ZNF823: variants seen among roughly 807,000 people sequenced by gnomAD.
ZNF823 encodes ZFP 36 for a zinc finger protein.
In ZNF823, 5 loss-of-function variants were observed where a neutral mutation model predicts 11.4. The ratio of observed to expected loss-of-function variants is 0.44; its 90% confidence interval spans 0.23 to 0.92. The LOEUF (loss-of-function observed/expected upper bound fraction) is 0.92. Ranked by LOEUF, ZNF823 falls within the 40% of genes least tolerant of loss-of-function variation. The pLI is 0.24. For synonymous variants in ZNF823, 234 were observed against 250.5 expected (o/e 0.93, Z 0.62); for missense variants, 582 against 738.5 (o/e 0.79, Z 2.46).
intron 1 of ZNF823, among the ~76,000 whole-genome samples, chr19:11,738,306 G>T (rs1260105934): frequency 6.6e-6 from 1 of 152,124 alleles, no homozygotes; most frequent in Non-Finnish European, 1.5e-5. Context: ...AGCAGAATGC[G>T]GTTTCTTCAC....
Position 11,721,469 on chromosome 19 carries a change from G to A in ZNF823, c.*232C>T. 1 of 486,394 alleles carries A rather than the reference G, an allele frequency of 2.1e-6. No individual in the cohort carries two copies. The allele number at this position is 486,394 out of a possible 1,614,324, so 30.1% of individuals were successfully genotyped here. A position where few individuals can be genotyped will look rare whatever the true frequency, so the allele number is the denominator to read the frequency against. On this transcript the variant is annotated 3_prime_UTR_variant, in exon 4 of 4. Transcript: ENST00000341191. Reference sequence around the variant, plus strand: ...AGATGATTTACACAGTATACTGGAAGATATGCATAGGTTACATGCAAATAT... The same window carrying A: ...AGATGATTTACACAGTATACTGGAAAATATGCATAGGTTACATGCAAATAT...
At chr19:11,735,285 A>AC (rs969846389) in intron 1 of ZNF823, among the ~76,000 whole-genome samples, 4 of 76,332 alleles carry the variant, frequency 5.2e-5, no homozygotes, top group Admixed American at 1.5e-4. Flanking sequence ...AAAAAACAAA[A>AC]AAAAAAAAAA....
At chr19:11,738,737 C>T in intron 1 of ZNF823, 80 bp downstream of exon 1, 1 of 1,499,094 alleles carries the variant, frequency 6.7e-7, no homozygotes, top group Non-Finnish European at 8.9e-7. Flanking sequence ...AGGGCGAGGC[C>T]CGGGTCCCCT....
At chr19:11,723,532 G>A (rs1416954393) in intron 3 of ZNF823, among the ~76,000 whole-genome samples, 190 bp from the exon 4 acceptor site, 1 of 152,122 alleles carries the variant, frequency 6.6e-6, no homozygotes, top group Non-Finnish European at 1.5e-5. Flanking sequence ...TATTCACATG[G>A]AGATTCTTTC....
In ZNF823 at chr19:11,724,140, A is replaced by C. The variant is rs554023189; in HGVS notation, c.191+54T>G. The stretch of plus-strand genomic sequence containing the variant: ...CTCTGCTCGTTTTTAAAATTTTCTT[A>C]TCATTCTATGAACCACTGCAGGGAC... On this transcript the variant is annotated intron_variant, in intron 3 of 3. Coordinates refer to ENST00000341191, the MANE Select transcript of ZNF823 (RefSeq NM_001080493.4). 129 of 1,420,716 alleles carry C rather than the reference A, an allele frequency of 9.1e-5. No individual in the cohort carries two copies. The African/African-American group carries it at 1.7e-3, about 19-fold the overall frequency. 88.0% of individuals were successfully genotyped at this position (1,420,716 alleles called of 1,614,324 possible).
In ZNF823 at chr19:11,721,842, G is replaced by A. The variant is rs1974685329; in HGVS notation, c.1692C>T (p.Phe564=). 1 of 1,612,992 alleles carries A rather than the reference G, an allele frequency of 6.2e-7. No homozygotes were observed. The highest frequency in any genetic ancestry group is 8.5e-7 in the Non-Finnish European group (1 of 1,179,736). The change falls in exon 4 of 4, where the codon TTC becomes TTT. Residue 564 remains phenylalanine, a synonymous_variant. Coordinates refer to ENST00000341191, the MANE Select transcript of ZNF823 (RefSeq NM_001080493.4). ...GTCCTCGAAGGAAACGGGAACGAGT[G>A]AAGGCTTTACCACATTGTAGACATT... ...PYECLQCGKA[F]TRSRFLRGHE... is the part of the protein sequence containing the mutation.
chr19:11,733,379 A>AG (rs1442814861), intron 1 of ZNF823, among the ~76,000 whole-genome samples: 1 of 149,792 alleles, frequency 6.7e-6, no homozygotes, highest in Non-Finnish European at 1.5e-5. Context: ...AAAAAAAAAA[A>AG]AAAGAAAAAG....
chr19:11,730,204 A>C (rs1399600507), intron 1 of ZNF823, among the ~76,000 whole-genome samples: 1 of 152,154 alleles, frequency 6.6e-6, no homozygotes, highest in African/African-American at 2.4e-5. Flanking sequence ...CTGGGATTAC[A>C]AGTGTGAGCC....
chr19:11,738,104 C>G (rs1044303553), intron 1 of ZNF823, among the ~76,000 whole-genome samples: 1 of 152,208 alleles, frequency 6.6e-6, no homozygotes, highest in African/African-American at 2.4e-5. Context: ...TGCCCTCAGC[C>G]CCGCTGCCTC....
chr19:11,730,887 A>C (rs1974880507), intron 1 of ZNF823: 1 of 152,162 alleles, frequency 6.6e-6, no homozygotes, highest in African/African-American at 2.4e-5. Context: ...ATTGTCAACA[A>C]AGTCCAGCAA....
Position 11,722,881 on chromosome 19 carries a change from T to C in ZNF823, c.653A>G (p.Lys218Arg). The C allele has an allele frequency of 6.2e-7, 1 of 1,614,194 alleles. No homozygotes were observed. The highest frequency in any genetic ancestry group is 8.5e-7 in the Non-Finnish European group (1 of 1,180,030). Residue 218 changes from lysine to arginine, a missense_variant, in exon 4 of 4, where the codon AAA becomes AGA. Physicochemically the swap from Lys to Arg is conservative, Grantham distance 26. Transcript: ENST00000341191. The surrounding 1 kb of genome is among the most constrained non-coding windows in gnomAD (Gnocchi z 5.2). ...HLHERTHTGE[K>R]PYECKQCSKA... ...AGAACACTGCTTACATTCATACGGT[T>C]TCTCTCCAGTGTGTGTTCTTTCGTG...
rs1348824489 is a variant in ZNF823 at position 11,738,759 on chromosome 19, C to A, written c.3+58G>T. The A allele has an allele frequency of 6.4e-6, 10 of 1,571,268 alleles. No individual in the cohort carries two copies. In the Admixed American group the frequency reaches 1.7e-4, roughly 26 times the overall value. On this transcript the variant is annotated intron_variant, in intron 1 of 3. Coordinates refer to ENST00000341191, the MANE Select transcript of ZNF823 (RefSeq NM_001080493.4). ...GGCCCGGGTCCCCTCACGGTCGGTT[C>A]CGGCCGGTTCCAACCTGCCCCTTCT...
At chr19:11,724,283 A>C (rs371641850) in intron 2 of ZNF823, 29 bp from the exon 3 acceptor site, 2 of 1,576,074 alleles carry the variant, frequency 1.3e-6, no homozygotes, top group Admixed American at 2.0e-5. Context: ...AAAATCACTA[A>C]AAATGTTTAC....
intron 1 of ZNF823, among the ~76,000 whole-genome samples, chr19:11,736,521 A>C (rs555321260): frequency 6.6e-6 from 1 of 152,372 alleles, no homozygotes; most frequent in South Asian, 2.1e-4. Flanking sequence ...TCCGTCTCAA[A>C]AAAAAGTAAA....
At chr19:11,736,245 G>A (rs1233497328) in intron 1 of ZNF823, among the ~76,000 whole-genome samples, 3 of 152,174 alleles carry the variant, frequency 2.0e-5, no homozygotes, top group East Asian at 1.9e-4. Flanking sequence ...GGCTGGGCAC[G>A]GTGGCTCTCT....
At chr19:11,724,695 G>T (rs1336683951) in intron 2 of ZNF823, among the ~76,000 whole-genome samples, 1 of 151,548 alleles carries the variant, frequency 6.6e-6, no homozygotes, top group Non-Finnish European at 1.5e-5. Flanking sequence ...AGTAGCTGGG[G>T]CTACAGGTGT....
At chr19:11,726,172 G>A (rs1434623784) in intron 1 of ZNF823, 1 of 151,006 alleles carries the variant, frequency 6.6e-6, no homozygotes, top group Admixed American at 6.6e-5. Context: ...AAGCGCAGGA[G>A]GTTGGGGCTG....
intron 1 of ZNF823, among the ~76,000 whole-genome samples, chr19:11,728,766 A>T (rs1397662402): frequency 6.6e-6 from 1 of 152,238 alleles, no homozygotes; most frequent in African/African-American, 2.4e-5. Flanking sequence ...CAAGTATAAG[A>T]ATAGAAAACA....
chr19:11,733,056 C>T (rs1046302599), intron 1 of ZNF823, among the ~76,000 whole-genome samples: 4 of 152,124 alleles, frequency 2.6e-5, no homozygotes, highest in Non-Finnish European at 5.9e-5. Flanking sequence ...GAGTTTAGGA[C>T]TACTTTGCCA....
Sources: allele counts gnomAD v4.1 joint callset (sites outside exome capture counted in the v4.1 genomes callset), GRCh38; gene constraint gnomAD v4.1.1; non-coding constraint Gnocchi (gnomAD v3.1); transcripts MANE v1.5; gene names NCBI Gene and HGNC (gene_info 2026-07-23, HGNC 2026-07-21).